Variants in FLT4 observed in about 807,000 individuals in gnomAD.
The protein encoded by FLT4 is fms related receptor tyrosine kinase 4, also known as vascular endothelial growth factor receptor 3.
A neutral mutation model predicts 163.2 loss-of-function variants in FLT4; 30 were observed. The ratio of observed to expected loss-of-function variants is 0.18; its 90% CI spans 0.14 to 0.25. The LOEUF (loss-of-function observed/expected upper bound fraction) is 0.25, where lower values mean the gene tolerates loss of function less well. Among genes scored for constraint, FLT4 ranks in the 10% least tolerant of loss-of-function variants. FLT4 has a pLI of 1.00. For missense variants in FLT4, 1,510 were observed against 1,863.8 expected (o/e 0.81, Z 3.50); for synonymous variants, 884 against 789.5 (o/e 1.12, Z -2.01).
At position 180,619,021 on chromosome 5, in the gene FLT4, C is replaced by T. The variant is rs1301136567; in HGVS notation, c.2850G>A (p.Ala950=). Residue 950 remains alanine, a splice_region_variant and synonymous_variant, in exon 20 of 30, where the codon GCG becomes GCA. Transcript: ENST00000261937. ...RAKRDAFSPC[A]EKSPEQRGRF... ...GGCGCCCCGCAGGCCGCCCGCTCAC[C>T]GCGCAGGGGCTGAAGGCGTCCCGCT... is the stretch of plus-strand genomic sequence containing the variant. 6.4e-7 allele frequency: 1 copy of T among 1,550,388 alleles called. No individual in the cohort carries two copies. The highest frequency in any genetic ancestry group is 2.0e-5 in the Admixed American group (1 of 50,706).
Position 180,601,536 on chromosome 5 carries a change from TTTA to T in FLT4, c.*1653_*1655del, listed in dbSNP as rs1454623848. 2.2e-5 allele frequency: 5 copies of T among 231,544 alleles called. No homozygotes were observed. The highest frequency in any genetic ancestry group is 1.1e-4 in the African/African-American group (5 of 44,888). The allele number at this position is 231,544 out of a possible 1,614,324, so 14.3% of individuals were successfully genotyped here. ...AACACACACAAAGACCGGCATCAGA[TTTA>T]TTATTATCTCTTGTTAAATATTTTC... On this transcript the variant is annotated 3_prime_UTR_variant, in exon 30 of 30. Coordinates refer to ENST00000261937, the MANE Select transcript of FLT4 (RefSeq NM_182925.5).
At chr5:180,619,171 C>T (rs969874494) in intron 19 of FLT4, 62 bp from the exon 20 acceptor site, 282 of 1,286,838 alleles carry the variant, frequency 2.2e-4, no homozygotes, top group Non-Finnish European at 2.7e-4. Flanking sequence ...GGGCGCGCTC[C>T]GCGTTTGCAC....
chr5:180,613,739 A>ATGGAGCTCT (rs937820777), intron 24 of FLT4: 79 of 432,246 alleles, frequency 1.8e-4, no homozygotes, highest in Non-Finnish European at 2.4e-4. Flanking sequence ...GAGTTCCCAC[A>ATGGAGCTCT]TGGAGCTCTT....
chr5:180,618,765 C>G lies in FLT4; in HGVS notation c.3001+5G>C, dbSNP rs1199134739. On this transcript the variant is annotated splice_donor_5th_base_variant and intron_variant, in intron 21 of 29. Coordinates refer to ENST00000261937, the MANE Select transcript of FLT4 (RefSeq NM_182925.5). ...CTAGGAAAAGGGAAGAGGCCAGGCTCTCACCTTCTTGGTCTGGAGAAGCCC... is the reference window on the plus strand; with the variant it reads ...CTAGGAAAAGGGAAGAGGCCAGGCTGTCACCTTCTTGGTCTGGAGAAGCCC... 2 of 1,586,222 alleles carry G rather than the reference C, an allele frequency of 1.3e-6. No homozygotes were observed. The highest frequency in any genetic ancestry group is 2.3e-5 in the South Asian group (2 of 86,984).
At chr5:180,643,566 A>G (rs1156803076) in intron 1 of FLT4, among the ~76,000 whole-genome samples, 1 of 152,036 alleles carries the variant, frequency 6.6e-6, no homozygotes, top group Non-Finnish European at 1.5e-5. Context: ...CTAGAACACA[A>G]GTCCCTCTCC....
At chr5:180,611,718 G>C (rs1432929495) in intron 26 of FLT4, 1 of 591,870 alleles carries the variant, frequency 1.7e-6, no homozygotes, top group East Asian at 2.8e-5. Flanking sequence ...GCACGTGAGT[G>C]CTCCACAGAG....
intron 11 of FLT4, 96 bp from the exon 12 acceptor site, chr5:180,622,935 C>CG (rs1554113608): frequency 3.9e-5 from 31 of 787,560 alleles, no homozygotes; most frequent in Non-Finnish European, 5.9e-5. Context: ...ACCACCCCCC[C>CG]CAATCATGGG....
At chr5:180,647,871 C>T (rs1402887518) in intron 1 of FLT4, among the ~76,000 whole-genome samples, 1 of 152,162 alleles carries the variant, frequency 6.6e-6, no homozygotes, top group Admixed American at 6.5e-5. Flanking sequence ...CCTCACCCTT[C>T]ACCCCACGTC....
Position 180,623,748 on chromosome 5 carries a change from C to T in FLT4, c.1548+187G>A, listed in dbSNP as rs1484727681. On this transcript the variant is annotated intron_variant, in intron 11 of 29. Transcript: ENST00000261937. The surrounding 1 kb of genome is among the most constrained non-coding windows in gnomAD (Gnocchi z 5.8). ...AGAGGTCCGCCCTCCATCACAAAGC[C>T]GGAGACTGGCCCTCTGACCTTTCTG... Among the ~76,000 whole-genome samples the T allele has an allele frequency of 1.3e-5, 2 of 152,192 alleles. No individual in the cohort carries two copies. Among genetic ancestry groups the T allele is most frequent in the Admixed American group, 1.3e-4 (2 of 15,286 alleles).
intron 1 of FLT4, among the ~76,000 whole-genome samples, chr5:180,643,825 G>GT (rs573767056): frequency 2.8e-3 from 406 of 143,592 alleles, no homozygotes; most frequent in Non-Finnish European, 3.9e-3. Flanking sequence ...CTTTTAACAG[G>GT]TTTTTTTTTT....
At chr5:180,613,231 C>A (rs1345653305) in intron 24 of FLT4, 121 bp from the exon 25 acceptor site, 2 of 671,478 alleles carry the variant, frequency 3.0e-6, no homozygotes, top group African/African-American at 3.6e-5. Flanking sequence ...TTTCCCCATC[C>A]GTGGTGGGGT....
At chr5:180,614,763 G>A (rs1018454374) in intron 23 of FLT4, among the ~76,000 whole-genome samples, 3 of 152,124 alleles carry the variant, frequency 2.0e-5, no homozygotes, top group Non-Finnish European at 2.9e-5. Context: ...CGGCATAAGG[G>A]AGGTTTTTGT....
chr5:180,634,219 C>T (rs1163213997), intron 1 of FLT4, among the ~76,000 whole-genome samples: 1 of 152,220 alleles, frequency 6.6e-6, no homozygotes, highest in Non-Finnish European at 1.5e-5. Context: ...GAGGGCCTCC[C>T]TCTTTAGGGT....
chr5:180,611,123 A>G (rs904354225), intron 27 of FLT4, among the ~76,000 whole-genome samples: 2 of 152,242 alleles, frequency 1.3e-5, no homozygotes, highest in African/African-American at 4.8e-5. Context: ...GTGGGTGGAC[A>G]GGACTCAAAA....
Position 180,629,935 on chromosome 5 carries a change from C to A in FLT4, c.676+8G>T. On this transcript the variant is annotated splice_region_variant and intron_variant, in intron 5 of 29. Transcript: ENST00000261937. ...CCCGTTACTGGGAACGGGGCACAGC[C>A]CTGTTACCTGTGATGTGCACCAGGA... 2 of 1,612,682 alleles carry A rather than the reference C, an allele frequency of 1.2e-6. No homozygotes were observed. The highest frequency in any genetic ancestry group is 8.5e-7 in the Non-Finnish European group (1 of 1,179,920).
At chr5:180,609,803 G>T in intron 28 of FLT4, 102 bp downstream of exon 28, 3 of 1,429,714 alleles carry the variant, frequency 2.1e-6, no homozygotes, top group Non-Finnish European at 2.9e-6. Context: ...AAGGACAGTC[G>T]TTGGGTTCTG....
intron 21 of FLT4, 64 bp downstream of exon 21, chr5:180,618,706 C>G: frequency 6.5e-7 from 1 of 1,545,378 alleles, no homozygotes; most frequent in Non-Finnish European, 8.7e-7. Context: ...GGCTGGGGTG[C>G]CTGATCACGG....
intron 23 of FLT4, among the ~76,000 whole-genome samples, chr5:180,615,406 G>A (rs1414725587): frequency 7.8e-6 from 1 of 128,600 alleles, no homozygotes; most frequent in African/African-American, 2.9e-5. Context: ...GGTCCCGCTG[G>A]TCACCTCCCT....
At chr5:180,619,796 G>A (rs574334789) in intron 17 of FLT4, 27 bp from the exon 18 acceptor site, 24 of 1,564,216 alleles carry the variant, frequency 1.5e-5, no homozygotes, top group South Asian at 6.7e-5. Flanking sequence ...CCAGTTGCAG[G>A]TGAGCTGTAC....
Sources: allele counts gnomAD v4.1 joint callset (sites outside exome capture counted in the v4.1 genomes callset), GRCh38; gene constraint gnomAD v4.1.1; non-coding constraint Gnocchi (gnomAD v3.1); transcripts MANE v1.5; gene names NCBI Gene and HGNC (gene_info 2026-07-23, HGNC 2026-07-21).